The following COLEC11 variants were observed in gnomAD, a reference collection of about 807,000 sequenced individuals.
COLEC11 encodes the protein collectin-11.
In COLEC11, 20 loss-of-function variants were observed where a neutral mutation model predicts 27.3. The ratio of observed to expected loss-of-function variants is 0.73; its 90% CI spans 0.51 to 1.06. The LOEUF (loss-of-function observed/expected upper bound fraction) is 1.06, where lower values mean the gene tolerates loss of function less well. Ranked by LOEUF, COLEC11 falls within the 50% of genes least tolerant of loss-of-function variation. The pLI is 0.00. For synonymous variants in COLEC11, 163 were observed against 154.7 expected, an observed-to-expected ratio of 1.05 and a Z score of -0.40; for missense variants, 310 against 383.0, an observed-to-expected ratio of 0.81 and a Z score of 1.59.
chr2:3,603,788 T>C, intron 1 of COLEC11: 3 of 919,272 alleles, frequency 3.3e-6, no homozygotes, highest in Non-Finnish European at 3.4e-6. Flanking sequence ...CTTACTGATC[T>C]CACCGAGGAA....
At chr2:3,628,468 T>C (rs931737522) in intron 3 of COLEC11, among the ~76,000 whole-genome samples, 29 of 152,368 alleles carry the variant, frequency 1.9e-4, no homozygotes, top group Admixed American at 1.8e-3. Flanking sequence ...CAGCCTGGGC[T>C]GTCCCCATTG....
rs747595442 is a variant in COLEC11 at position 3,626,044 on chromosome 2, A to G, written c.203-11489A>G. On this transcript the variant is annotated intron_variant, in intron 3 of 6. Transcript: ENST00000349077. Reference sequence around the variant, plus strand: ...ACAGCCAGTCGTGACAGCTTCTGACATCTCCAAAAGGAAGTGCACCTCGTC... The same window carrying G: ...ACAGCCAGTCGTGACAGCTTCTGACGTCTCCAAAAGGAAGTGCACCTCGTC... 5 of 1,614,082 alleles carry G rather than the reference A, an allele frequency of 3.1e-6. No homozygotes were observed. In the South Asian group the frequency reaches 5.5e-5, roughly 18 times the overall value.
intron 3 of COLEC11, among the ~76,000 whole-genome samples, chr2:3,627,579 G>T (rs1376164286): frequency 6.7e-6 from 1 of 150,290 alleles, no homozygotes; most frequent in Non-Finnish European, 1.5e-5. Flanking sequence ...CTGCATCTGG[G>T]CATGATGGCT....
intron 3 of COLEC11, among the ~76,000 whole-genome samples, chr2:3,618,440 A>G (rs962240740): frequency 1.3e-5 from 2 of 152,186 alleles, no homozygotes; most frequent in Non-Finnish European, 2.9e-5. Context: ...AGCATTGTGA[A>G]TTCTTTGTGC....
intron 3 of COLEC11, among the ~76,000 whole-genome samples, chr2:3,625,513 C>T (rs533637858): frequency 6.6e-6 from 1 of 151,930 alleles, no homozygotes; most frequent in African/African-American, 2.4e-5. Flanking sequence ...AGGGATGTGG[C>T]ATTTGGCATC....
Position 3,602,937 on chromosome 2 carries a change from G to A in COLEC11, c.-26-1378G>A, listed in dbSNP as rs774077854. Among the ~76,000 whole-genome samples, 2 of 152,208 alleles carry A rather than the reference G, an allele frequency of 1.3e-5. No individual in the cohort carries two copies. Among genetic ancestry groups the A allele is most frequent in the Admixed American group, 6.5e-5 (1 of 15,280 alleles). On this transcript the variant is annotated intron_variant, in intron 1 of 6. Transcript: ENST00000349077. This position sits in a 1 kb window ranked among gnomAD's most constrained non-coding sequence, Gnocchi z 6.2. ...TGCCTCTGTCTGTCTCTGTCTGTCTGTCTGTCTGTCTCTTCCAATAGGAAT... is the reference window on the plus strand; with the variant it reads ...TGCCTCTGTCTGTCTCTGTCTGTCTATCTGTCTGTCTCTTCCAATAGGAAT...
At chr2:3,627,625 CGAT>C (rs780049257) in intron 3 of COLEC11, among the ~76,000 whole-genome samples, 23 of 134,900 alleles carry the variant, frequency 1.7e-4, no homozygotes, top group Non-Finnish European at 3.0e-4. Context: ...AGATGGGACA[CGAT>C]GATGGGGTGG....
At chr2:3,628,633 G>A (rs1007197869) in intron 3 of COLEC11, among the ~76,000 whole-genome samples, 1 of 152,232 alleles carries the variant, frequency 6.6e-6, no homozygotes, top group Non-Finnish European at 1.5e-5. Flanking sequence ...CCCCCCATTC[G>A]AGGAGGTGGT....
intron 3 of COLEC11, among the ~76,000 whole-genome samples, chr2:3,625,418 G>A (rs1483299323): frequency 6.6e-6 from 1 of 152,066 alleles, no homozygotes; most frequent in East Asian, 1.9e-4. Flanking sequence ...CCAGCCCAGG[G>A]CGGGGGTTAG....
At chr2:3,606,604 T>C (rs934449056) in intron 2 of COLEC11, among the ~76,000 whole-genome samples, 1 of 152,184 alleles carries the variant, frequency 6.6e-6, no homozygotes, top group Non-Finnish European at 1.5e-5. Flanking sequence ...TGCTCCTTGC[T>C]CTGGGACAGT....
intron 3 of COLEC11, among the ~76,000 whole-genome samples, chr2:3,625,346 C>T (rs1664467872): frequency 6.6e-6 from 1 of 152,146 alleles, no homozygotes; most frequent in African/African-American, 2.4e-5. Flanking sequence ...GCAGGATGTG[C>T]AGGACAGCGA....
intron 3 of COLEC11, chr2:3,626,159 A>C: frequency 7.7e-7 from 1 of 1,295,052 alleles, no homozygotes; most frequent in Non-Finnish European, 1.1e-6. Flanking sequence ...ATAGGCAACC[A>C]CTCTTCCCAT....
At chr2:3,636,898 A>G (rs1665453875) in intron 3 of COLEC11, among the ~76,000 whole-genome samples, 1 of 152,116 alleles carries the variant, frequency 6.6e-6, no homozygotes, top group Non-Finnish European at 1.5e-5. Flanking sequence ...TGGGGGACAC[A>G]CACCACCCCA....
chr2:3,623,822 A>G (rs145290892), intron 3 of COLEC11, among the ~76,000 whole-genome samples: 1 of 151,752 alleles, frequency 6.6e-6, no homozygotes, highest in African/African-American at 2.4e-5. Flanking sequence ...TTTCTTTGGG[A>G]TTGGTTTACT....
chr2:3,611,564 C>T (rs917229738), intron 2 of COLEC11, among the ~76,000 whole-genome samples: 2 of 152,240 alleles, frequency 1.3e-5, no homozygotes, highest in African/African-American at 4.8e-5. Flanking sequence ...CAATACTTCT[C>T]TTTTCTTCTT....
In COLEC11 at chr2:3,644,363, A is replaced by G. The variant is rs1666115725; in HGVS notation, c.*245A>G. 1.5e-6 allele frequency: 1 copy of G among 676,390 alleles called. No homozygotes were observed. Among genetic ancestry groups the G allele is most frequent in the Admixed American group, 2.0e-5 (1 of 49,042 alleles). 41.9% of individuals were successfully genotyped at this position (676,390 alleles called of 1,614,324 possible). A position where few individuals can be genotyped will look rare whatever the true frequency, so the allele number is the denominator to read the frequency against. On this transcript the variant is annotated 3_prime_UTR_variant, in exon 7 of 7. Coordinates refer to ENST00000349077, the MANE Select transcript of COLEC11 (RefSeq NM_024027.5). ...CCTGTATTGTAGCCCCAATGTCATT[A>G]TGTAATTATTACCCAGAATTGCTCT...
intron 1 of COLEC11, among the ~76,000 whole-genome samples, chr2:3,600,105 G>A (rs867092918): frequency 1.6e-4 from 25 of 152,048 alleles, no homozygotes; most frequent in Middle Eastern, 6.8e-3. Flanking sequence ...CGTGGTGGCG[G>A]GCAGCTGTAG....
intron 3 of COLEC11, among the ~76,000 whole-genome samples, chr2:3,631,491 T>C (rs4595986): frequency 0.82 from 124,897 of 152,088 alleles, 51,417 homozygotes; most frequent in East Asian, 0.89. Flanking sequence ...TGCCCAGTGC[T>C]TGGCCCTTCC....
chr2:3,641,736 A>C (rs1311328501), intron 5 of COLEC11, among the ~76,000 whole-genome samples: 1 of 152,204 alleles, frequency 6.6e-6, no homozygotes, highest in South Asian at 2.1e-4. Flanking sequence ...TGTCTCACGT[A>C]TGAGGGCGAG....
Sources: gnomAD v4.1 joint callset for allele counts (sites outside exome capture counted in the v4.1 genomes callset) on GRCh38, gnomAD v4.1.1 for gene constraint, Gnocchi (gnomAD v3.1) non-coding constraint, MANE v1.5 for transcripts, NCBI Gene and HGNC (gene_info 2026-07-23, HGNC 2026-07-21) for gene names.